The following DCHS2 variants were observed in gnomAD, a reference collection of about 807,000 sequenced individuals.
The protein encoded by DCHS2 is dachsous cadherin-related 2.
Under a neutral mutation model 182.4 loss-of-function variants are expected in DCHS2, and 142 were observed. The observed-to-expected ratio is 0.78, with a 90% CI of 0.68 to 0.89. The LOEUF (loss-of-function observed/expected upper bound fraction) is 0.89. DCHS2 is among the 40% of genes least tolerant of loss of function. The pLI is 0.00. For synonymous variants in DCHS2, 1,740 were observed against 1,663.3 expected (o/e 1.05, Z -1.12); for missense variants, 4,319 against 4,198.6 (o/e 1.03, Z -0.79).
At chr4:154,382,009 G>A (rs1400944991) in intron 1 of DCHS2, among the ~76,000 whole-genome samples, 3 of 152,072 alleles carry the variant, frequency 2.0e-5, no homozygotes, top group African/African-American at 7.2e-5. Flanking sequence ...AAAGTTGGAG[G>A]CATCACATTA....
chr4:154,344,033 G>C (rs1729239860), intron 3 of DCHS2, among the ~76,000 whole-genome samples: 1 of 124,572 alleles, frequency 8.0e-6, no homozygotes, highest in Admixed American at 7.7e-5. Context: ...TTGGGGATTA[G>C]GGCAGCCTGG....
At chr4:154,383,432 T>G (rs1018928308) in intron 1 of DCHS2, among the ~76,000 whole-genome samples, 1 of 152,158 alleles carries the variant, frequency 6.6e-6, no homozygotes, top group African/African-American at 2.4e-5. Flanking sequence ...TACACTCACA[T>G]GACAAATCTG....
intron 2 of DCHS2, chr4:154,374,234 T>A: frequency 2.5e-6 from 1 of 394,670 alleles, no homozygotes; most frequent in Non-Finnish European, 4.6e-6. Flanking sequence ...GTCCTGCATC[T>A]GGCCACCAAA....
chr4:154,267,023 G>A (rs371371999), intron 14 of DCHS2, among the ~76,000 whole-genome samples: 18 of 152,122 alleles, frequency 1.2e-4, no homozygotes, highest in South Asian at 2.1e-4. Flanking sequence ...TAACTTTTCC[G>A]TCAATCCCCA....
chr4:154,438,016 G>A (rs6828405), intron 1 of DCHS2, among the ~76,000 whole-genome samples: 69,718 of 151,816 alleles, frequency 0.46, 16,508 homozygotes, highest in Middle Eastern at 0.68. Context: ...CTAAAAAAAA[G>A]TTAATAAAAT....
intron 1 of DCHS2, among the ~76,000 whole-genome samples, chr4:154,438,251 CATTTTGAGTGATAATA>C (rs1733862893): frequency 6.6e-6 from 1 of 152,042 alleles, no homozygotes; most frequent in Non-Finnish European, 1.5e-5. Context: ...GAGTCTGGCC[CATTTTGAGTGATAATA>C]AAGAGCTTGG....
At chr4:154,354,758 C>T (rs1437965074) in intron 3 of DCHS2, 3 of 152,214 alleles carry the variant, frequency 2.0e-5, no homozygotes, top group Non-Finnish European at 4.4e-5. Context: ...ATCCACTCCA[C>T]TCAATGTGCC....
At chr4:154,466,519 G>A (rs1184308351) in intron 1 of DCHS2, among the ~76,000 whole-genome samples, 2 of 152,136 alleles carry the variant, frequency 1.3e-5, no homozygotes, top group African/African-American at 4.8e-5. Flanking sequence ...CCTCGAGACC[G>A]CTTGCTGAAA....
At chr4:154,462,405 C>G (rs968436224) in intron 1 of DCHS2, among the ~76,000 whole-genome samples, 11 of 152,176 alleles carry the variant, frequency 7.2e-5, no homozygotes, top group African/African-American at 2.7e-4. Flanking sequence ...TGTATATTCT[C>G]TTTTGTTGCT....
intron 1 of DCHS2, among the ~76,000 whole-genome samples, chr4:154,425,465 C>T (rs1733287020): frequency 6.6e-6 from 1 of 152,160 alleles, no homozygotes; most frequent in Non-Finnish European, 1.5e-5. Flanking sequence ...AGAAAAAGTA[C>T]AAACTCACTG....
chr4:154,447,422 A>T (rs1734346995), intron 1 of DCHS2, among the ~76,000 whole-genome samples: 1 of 152,220 alleles, frequency 6.6e-6, no homozygotes, highest in African/African-American at 2.4e-5. Context: ...AAGCCAAATA[A>T]ATAGTATGTG....
At chr4:154,392,301 T>C (rs148031318) in intron 1 of DCHS2, among the ~76,000 whole-genome samples, 4 of 152,306 alleles carry the variant, frequency 2.6e-5, no homozygotes, top group African/African-American at 7.2e-5. Context: ...TACCTTCCCA[T>C]ATATGTTTTG....
At chr4:154,343,589 C>A (rs1729212375) in intron 3 of DCHS2, 2 of 1,530,774 alleles carry the variant, frequency 1.3e-6, no homozygotes, top group Non-Finnish European at 1.8e-6. Context: ...ACCTCATGAA[C>A]CAACCTCTGC....
At chr4:154,342,872 A>G (rs1033890624) in intron 3 of DCHS2, among the ~76,000 whole-genome samples, 8 of 152,168 alleles carry the variant, frequency 5.3e-5, no homozygotes, top group African/African-American at 1.9e-4. Flanking sequence ...TTTTCAATGT[A>G]TTTTACCCAA....
At chr4:154,470,494 A>AC (rs72139724) in intron 1 of DCHS2, among the ~76,000 whole-genome samples, 3 of 151,566 alleles carry the variant, frequency 2.0e-5, no homozygotes, top group Non-Finnish European at 4.4e-5. Context: ...TCTCAAAAAA[A>AC]AAAAAAATGT....
At chr4:154,289,694 A>T (rs1368565006) in intron 13 of DCHS2, among the ~76,000 whole-genome samples, 1 of 152,154 alleles carries the variant, frequency 6.6e-6, no homozygotes, top group Non-Finnish European at 1.5e-5. Context: ...CCTCAACAAA[A>T]TACTAGCAAA....
At chr4:154,293,279 C>G (rs1734749918) in intron 13 of DCHS2, among the ~76,000 whole-genome samples, 2 of 151,896 alleles carry the variant, frequency 1.3e-5, no homozygotes, top group African/African-American at 4.8e-5. Flanking sequence ...CTTGGCTTAC[C>G]GCAACCTCTG....
rs150820891 is a variant in DCHS2 at position 154,317,054 on chromosome 4, C to T, written c.5021-1067G>A. ...ATAAAATAATTTTTCAATAATTACT[C>T]ATCACTTTATATTTCACAGCCATAG... On this transcript the variant is annotated intron_variant, in intron 9 of 19. Coordinates refer to ENST00000357232, the MANE Select transcript of DCHS2 (RefSeq NM_001358235.2). Among the ~76,000 whole-genome samples, 770 of 152,254 alleles carry T rather than the reference C, an allele frequency of 5.1e-3. 10 individuals carry two copies. Among genetic ancestry groups the T allele is most frequent in the African/African-American group, 0.018 (739 of 41,530 alleles).
chr4:154,352,150 T>C (rs909475339), intron 3 of DCHS2, among the ~76,000 whole-genome samples: 3 of 152,042 alleles, frequency 2.0e-5, no homozygotes, highest in African/African-American at 4.8e-5. Context: ...AAAAGGCTTA[T>C]TATTATTATC....
Sources: gnomAD v4.1 joint callset for allele counts (sites outside exome capture counted in the v4.1 genomes callset) on GRCh38, gnomAD v4.1.1 for gene constraint, MANE v1.5 for transcripts, NCBI Gene and HGNC (gene_info 2026-07-23, HGNC 2026-07-21) for gene names.